ADA: variants seen among roughly 807,000 people sequenced by gnomAD.
The protein encoded by ADA is adenosine deaminase, also known as adenosine aminohydrolase.
Under a neutral mutation model 49.0 loss-of-function variants are expected in ADA, and 45 were observed. That is an observed-to-expected ratio of 0.92 (90% CI 0.72 to 1.18). The LOEUF is 1.18. Ranked by LOEUF, ADA falls within the 50% of genes most tolerant of loss-of-function variation. The probability of loss-of-function intolerance (pLI) is 0.00; values close to 1 mark genes in which losing one functional copy is unlikely to be tolerated. For missense variants in ADA, 445 were observed against 472.5 expected, an observed-to-expected ratio of 0.94 and a Z score of 0.54; for synonymous variants, 173 against 184.2, an observed-to-expected ratio of 0.94 and a Z score of 0.49.
intron 1 of ADA, among the ~76,000 whole-genome samples, chr20:44,646,805 T>C (rs2065596662): frequency 6.6e-6 from 1 of 151,846 alleles, no homozygotes; most frequent in Admixed American, 6.6e-5. Flanking sequence ...CTGCCCCCTC[T>C]TTTTTGCATA....
At chr20:44,646,791 C>A (rs908782959) in intron 1 of ADA, among the ~76,000 whole-genome samples, 1 of 151,970 alleles carries the variant, frequency 6.6e-6, no homozygotes, top group African/African-American at 2.4e-5. Flanking sequence ...CTCTTCCCCC[C>A]ACACTGCCCC....
At chr20:44,632,602 A>G (rs1302921461) in intron 2 of ADA, among the ~76,000 whole-genome samples, 1 of 152,156 alleles carries the variant, frequency 6.6e-6, no homozygotes, top group East Asian at 1.9e-4. Context: ...TTGAAGCAGG[A>G]AAGAGCTGTT....
intron 2 of ADA, among the ~76,000 whole-genome samples, chr20:44,632,234 C>T (rs913954241): frequency 6.6e-6 from 1 of 151,944 alleles, no homozygotes; most frequent in Non-Finnish European, 1.5e-5. Context: ...CAGGAAGCCG[C>T]GGGCATTGGA....
intron 5 of ADA, among the ~76,000 whole-genome samples, 172 bp downstream of exon 5, chr20:44,625,397 C>T (rs1390188327): frequency 6.6e-6 from 1 of 152,080 alleles, no homozygotes; most frequent in African/African-American, 2.4e-5. Flanking sequence ...TCTGAGCCTG[C>T]CTAGGAGGTC....
chr20:44,624,737 C>T (rs538327524), intron 5 of ADA, among the ~76,000 whole-genome samples: 4 of 152,356 alleles, frequency 2.6e-5, no homozygotes, highest in South Asian at 4.1e-4. Context: ...TAAAATAGAA[C>T]TCACACTAGT....
chr20:44,645,743 T>C (rs965260670), intron 1 of ADA, among the ~76,000 whole-genome samples: 1 of 152,168 alleles, frequency 6.6e-6, no homozygotes, highest in Non-Finnish European at 1.5e-5. Context: ...ATGGGTATAA[T>C]TCTCATTTTA....
chr20:44,622,794 G>T (rs201219441), intron 8 of ADA, 35 bp downstream of exon 8: 1 of 1,614,134 alleles, frequency 6.2e-7, no homozygotes, highest in Non-Finnish European at 8.5e-7. Context: ...TGGGACAGCC[G>T]GGGATGGTTC....
chr20:44,643,140 C>T (rs1330493952), intron 1 of ADA, among the ~76,000 whole-genome samples: 3 of 152,198 alleles, frequency 2.0e-5, no homozygotes, highest in Admixed American at 6.5e-5. Context: ...GTGGCGACCC[C>T]GCTCTCCTGT....
chr20:44,633,906 T>C (rs2065455900), intron 2 of ADA, among the ~76,000 whole-genome samples: 1 of 152,174 alleles, frequency 6.6e-6, no homozygotes, highest in Non-Finnish European at 1.5e-5. Context: ...GGGGCTCCCC[T>C]CCTCCTTCCA....
intron 1 of ADA, among the ~76,000 whole-genome samples, chr20:44,647,424 G>A (rs1425938366): frequency 6.6e-6 from 1 of 151,282 alleles, no homozygotes; most frequent in Non-Finnish European, 1.5e-5. Context: ...CAACAAGAGC[G>A]AAACTCTGTC....
At position 44,623,751 on chromosome 20, in the gene ADA, C is replaced by CTT. The variant is rs34833873; in HGVS notation, c.606+449_606+450dup. On this transcript the variant is annotated intron_variant, in intron 6 of 11. Coordinates refer to ENST00000372874, the MANE Select transcript of ADA (RefSeq NM_000022.4). ...TTTCTTTTCTCTTTCTTCTTTCTTC[C>CTT]TTTTTTTTTTTTTTGAGACAGGGTC... is the stretch of plus-strand genomic sequence containing the variant. 5.1e-3 allele frequency among the ~76,000 whole-genome samples: 682 copies of CTT among 132,932 alleles called. 5 individuals are homozygous for CTT. The highest frequency in any genetic ancestry group is 0.018 in the African/African-American group (632 of 34,568). 87.2% of individuals were successfully genotyped at this position (132,932 alleles called of 152,430 possible).
In ADA at chr20:44,621,055, C is replaced by T. The variant is rs747500864; in HGVS notation, c.938G>A (p.Arg313Gln). The part of the protein sequence containing the change: ...TLDTDYQMTK[R>Q]DMGFTEEEFK... The stretch of plus-strand genomic sequence containing the variant: ...CTCCTCTTCAGTAAAGCCCATGTCC[C>T]GTTTGGTCATCTGGTAATCAGTGTC... The change falls in exon 10 of 12, where the codon CGG becomes CAG. Residue 313 changes from arginine (R) to glutamine (Q), a missense_variant. Transcript: ENST00000372874. The T allele has an allele frequency of 9.3e-6, 15 of 1,614,012 alleles. No individual in the cohort carries two copies. Among genetic ancestry groups the T allele is most frequent in the Middle Eastern group, 1.6e-4 (1 of 6,082 alleles).
At chr20:44,637,842 GT>G (rs2145341378) in intron 1 of ADA, among the ~76,000 whole-genome samples, 1 of 152,304 alleles carries the variant, frequency 6.6e-6, no homozygotes, top group East Asian at 1.9e-4. Context: ...CAACTTAGTT[GT>G]TGAATTCCCT....
intron 4 of ADA, among the ~76,000 whole-genome samples, chr20:44,626,070 A>G (rs2065379787): frequency 6.6e-6 from 1 of 152,216 alleles, no homozygotes; most frequent in Non-Finnish European, 1.5e-5. Context: ...GCAGGGGGCT[A>G]GAAATGGGCC....
intron 1 of ADA, among the ~76,000 whole-genome samples, chr20:44,640,111 C>T (rs909604153): frequency 6.6e-6 from 1 of 152,012 alleles, no homozygotes; most frequent in Admixed American, 6.6e-5. Context: ...TCCCCAGAAC[C>T]TGTAAATATT....
chr20:44,619,972 A>G, intron 11 of ADA, 125 bp from the exon 12 acceptor site: 4 of 1,290,574 alleles, frequency 3.1e-6, no homozygotes, highest in Non-Finnish European at 4.4e-6. Context: ...ATGCCTTGCC[A>G]AGACCACATA....
rs1180509263 is a variant in ADA at position 44,620,283 on chromosome 20, C to T, written c.1078+16G>A. 2.5e-6 allele frequency: 4 copies of T among 1,611,056 alleles called. No homozygotes were observed. The highest frequency in any genetic ancestry group is 1.3e-5 in the African/African-American group (1 of 74,872). ...CAGGACAGGGCAACTGCCCAGAAGCCCAGACAGGAACCTACCTGCAGAGGC... is the reference window on the plus strand; with the variant it reads ...CAGGACAGGGCAACTGCCCAGAAGCTCAGACAGGAACCTACCTGCAGAGGC... On this transcript the variant is annotated intron_variant, in intron 11 of 11. Transcript: ENST00000372874.
At chr20:44,621,735 G>A (rs964164394) in intron 9 of ADA, among the ~76,000 whole-genome samples, 7 of 152,064 alleles carry the variant, frequency 4.6e-5, no homozygotes, top group African/African-American at 1.7e-4. Context: ...TCTTTTGCTG[G>A]TCCCTTAAAT....
At chr20:44,648,035 G>A (rs2065608716) in intron 1 of ADA, among the ~76,000 whole-genome samples, 1 of 152,222 alleles carries the variant, frequency 6.6e-6, no homozygotes, top group South Asian at 2.1e-4. Context: ...GACAGAGTGA[G>A]ATTCTGGCAA....
Sources: allele counts gnomAD v4.1 joint callset (sites outside exome capture counted in the v4.1 genomes callset), GRCh38; gene constraint gnomAD v4.1.1; transcripts MANE v1.5; gene names NCBI Gene and HGNC (gene_info 2026-07-23, HGNC 2026-07-21).